The following TSPEAR variants were observed in gnomAD, a reference collection of about 807,000 sequenced individuals.
TSPEAR encodes thrombospondin type laminin G domain and EAR repeats, also known as thrombospondin-type laminin G domain and EAR repeat-containing protein.
In TSPEAR, 69 loss-of-function variants were observed where a neutral mutation model predicts 71.6. The ratio of observed to expected loss-of-function variants is 0.96; its 90% CI spans 0.79 to 1.18. The LOEUF (loss-of-function observed/expected upper bound fraction) is 1.18, where lower values mean the gene tolerates loss of function less well. Ranked by LOEUF, TSPEAR falls within the 50% of genes most tolerant of loss-of-function variation. The pLI, the probability that TSPEAR is intolerant of heterozygous loss-of-function variation, is 0.00. For synonymous variants in TSPEAR, 402 were observed against 387.2 expected, an observed-to-expected ratio of 1.04 and a Z score of -0.45; for missense variants, 971 against 894.9, an observed-to-expected ratio of 1.09 and a Z score of -1.09.
chr21:44,562,451 T>C lies in TSPEAR; in HGVS notation c.303+5334A>G, dbSNP rs372767849. Among the ~76,000 whole-genome samples the C allele has an allele frequency of 1.8e-4, 27 of 152,320 alleles. 1 individual carries two copies. The South Asian group carries it at 5.2e-3, about 29-fold the overall frequency. On this transcript the variant is annotated intron_variant, in intron 2 of 11. Transcript: ENST00000323084. ...AATGCTATTCCCATCAAACTACCAC[T>C]GACATTCTTCACAGAATTAGTAACT...
At position 44,617,677 on chromosome 21, in the gene TSPEAR, ATTCT is replaced by A. The variant is rs782631916; in HGVS notation, c.83-49676_83-49673del. Among the ~76,000 whole-genome samples the A allele has an allele frequency of 5.3e-5, 8 of 152,360 alleles. 1 individual carries two copies. Among genetic ancestry groups the A allele is most frequent in the Admixed American group, 1.3e-4 (2 of 15,306 alleles). On this transcript the variant is annotated intron_variant, in intron 1 of 11. Transcript: ENST00000323084. ...AATCACAATGCTGGGGGCACACGTT[ATTCT>A]TTCTTTGCCAATTTAATAAAGAAAA...
At chr21:44,601,475 C>G (rs446817) in intron 1 of TSPEAR, 138,802 of 1,613,562 alleles carry the variant, frequency 0.086, 11,271 homozygotes, top group African/African-American at 0.41. Flanking sequence ...GGGGCTTCCA[C>G]TTCATGCTGC....
At chr21:44,574,807 G>C (rs782113674) in intron 1 of TSPEAR, 2 of 1,614,098 alleles carry the variant, frequency 1.2e-6, no homozygotes, top group Admixed American at 3.3e-5. Context: ...CCAGCTTGCT[G>C]CACCACCTCC....
In TSPEAR at chr21:44,708,462, G is replaced by A. The variant is rs567369710; in HGVS notation, c.82+2971C>T. On this transcript the variant is annotated intron_variant, in intron 1 of 11. Coordinates refer to ENST00000323084, the MANE Select transcript of TSPEAR (RefSeq NM_144991.3). Reference sequence around the variant, plus strand: ...ACAGAGGTTGAGGGCAGAGCTCCTGGGAGCACCAGTGGAAGTAGGAGGGCT... The same window carrying A: ...ACAGAGGTTGAGGGCAGAGCTCCTGAGAGCACCAGTGGAAGTAGGAGGGCT... Among the ~76,000 whole-genome samples, 3 of 152,140 alleles carry A rather than the reference G, an allele frequency of 2.0e-5. No individual in the cohort carries two copies. In the South Asian group the frequency reaches 6.2e-4, roughly 32 times the overall value.
intron 1 of TSPEAR, among the ~76,000 whole-genome samples, chr21:44,661,488 T>C (rs1452840848): frequency 1.3e-5 from 2 of 152,198 alleles, no homozygotes; most frequent in Admixed American, 1.3e-4. Context: ...GAGGTATCCT[T>C]TGTTACAGTA....
At position 44,504,888 on chromosome 21, in the gene TSPEAR, G is replaced by A. The variant is rs201717370; in HGVS notation, c.1755-7C>T. On this transcript the variant is annotated splice_region_variant and splice_polypyrimidine_tract_variant and intron_variant, in intron 10 of 11. Transcript: ENST00000323084. ...AAACTCCCAGTCCAGAGCACTGCAG[G>A]AACAAGTGGGTGGATATTAGGACAC... 1,830 of 1,606,432 alleles carry A rather than the reference G, an allele frequency of 1.1e-3. 2 individuals are homozygous for A. Among genetic ancestry groups the A allele is most frequent in the Non-Finnish European group, 1.2e-3 (1,361 of 1,173,460 alleles).
intron 1 of TSPEAR, among the ~76,000 whole-genome samples, chr21:44,692,771 T>C (rs545399340): frequency 6.4e-4 from 98 of 152,094 alleles, no homozygotes; most frequent in Non-Finnish European, 1.2e-3. Context: ...GTTGTTAAAA[T>C]GGCAGTACTA....
intron 1 of TSPEAR, among the ~76,000 whole-genome samples, chr21:44,572,050 G>A (rs781798870): frequency 7.2e-5 from 11 of 152,330 alleles, no homozygotes; most frequent in African/African-American, 1.2e-4. Context: ...GCGGCACCGC[G>A]AGGGATGGGC....
chr21:44,697,139 C>T, intron 1 of TSPEAR: 1 of 1,585,698 alleles, frequency 6.3e-7, no homozygotes, highest in Admixed American at 1.7e-5. Context: ...CATCCAGCAC[C>T]CAGACACTCA....
chr21:44,694,651 AC>A (rs782610763), intron 1 of TSPEAR, among the ~76,000 whole-genome samples: 15 of 152,270 alleles, frequency 9.9e-5, no homozygotes, highest in South Asian at 2.1e-4. Flanking sequence ...CACAAAAAAA[AC>A]ATTTTTAAAG....
chr21:44,600,344 A>G (rs1156882655), intron 1 of TSPEAR, among the ~76,000 whole-genome samples: 1 of 152,116 alleles, frequency 6.6e-6, no homozygotes, highest in Non-Finnish European at 1.5e-5. Context: ...TCTGGAGCCA[A>G]AGGTAGGTGA....
At chr21:44,622,973 C>T (rs587643779) in intron 1 of TSPEAR, among the ~76,000 whole-genome samples, 1 of 152,204 alleles carries the variant, frequency 6.6e-6, no homozygotes, top group Admixed American at 6.5e-5. Context: ...TCCCATCCCC[C>T]ACTCTCTTTC....
intron 8 of TSPEAR, among the ~76,000 whole-genome samples, chr21:44,522,440 C>T (rs1477816959): frequency 1.3e-5 from 2 of 152,216 alleles, no homozygotes; most frequent in Non-Finnish European, 2.9e-5. Context: ...CACGGCTCTC[C>T]AGCATCCCCA....
intron 11 of TSPEAR, among the ~76,000 whole-genome samples, chr21:44,501,409 C>G (rs1555911077): frequency 6.6e-6 from 1 of 152,186 alleles, no homozygotes; most frequent in Non-Finnish European, 1.5e-5. Context: ...TCCTGGCTAA[C>G]ACAGTGAAAC....
chr21:44,566,793 G>C (rs1408260616), intron 2 of TSPEAR, among the ~76,000 whole-genome samples: 2 of 151,990 alleles, frequency 1.3e-5, no homozygotes, highest in Non-Finnish European at 2.9e-5. Flanking sequence ...AATGGTGTGG[G>C]GGCAACTGAA....
In TSPEAR at chr21:44,612,109, C is replaced by T. The variant is rs142127705; in HGVS notation, c.83-44104G>A. ...CCAGTCCAGCACCCACCATGGCTGACGCCTGCTGCACCAGGACGTATGTGA... is the reference window on the plus strand; with the variant it reads ...CCAGTCCAGCACCCACCATGGCTGATGCCTGCTGCACCAGGACGTATGTGA... On this transcript the variant is annotated intron_variant, in intron 1 of 11. Transcript: ENST00000323084. This position sits in a 1 kb window ranked among gnomAD's most constrained non-coding sequence, Gnocchi z 4.1. The T allele has an allele frequency of 3.1e-4, 495 of 1,613,260 alleles. 1 individual carries two copies. In the African/African-American group the frequency reaches 5.0e-3, roughly 16 times the overall value.
chr21:44,563,929 C>T (rs587614906), intron 2 of TSPEAR, among the ~76,000 whole-genome samples: 1 of 152,320 alleles, frequency 6.6e-6, no homozygotes, highest in Admixed American at 6.5e-5. Context: ...CTGTAAGGCA[C>T]ATCACAGCCT....
rs367641936 is a variant in TSPEAR, at chr21:44,528,527, C to A, written c.847G>T (p.Ala283Ser). ...CGGCTGGCATCAAACCAGAACTGGG[C>A]GTCTTCCACCTCGGTACACGGTGGC... The part of the protein sequence containing the change: ...PQPPCTEVED[A>S]QFWFDASRKG... The change falls in exon 6 of 12, where the codon GCC (alanine) becomes TCC (serine). Residue 283 changes from alanine to serine, a missense_variant. By Grantham distance (99) the Ala-to-Ser change is moderately conservative. Coordinates refer to ENST00000323084, the MANE Select transcript of TSPEAR (RefSeq NM_144991.3). 2 of 1,614,150 alleles carry A rather than the reference C, an allele frequency of 1.2e-6. No homozygotes were observed. The highest frequency in any genetic ancestry group is 2.2e-5 in the South Asian group (2 of 91,086).
At chr21:44,689,044 C>T (rs1555949336) in intron 1 of TSPEAR, among the ~76,000 whole-genome samples, 1 of 152,100 alleles carries the variant, frequency 6.6e-6, no homozygotes, top group Non-Finnish European at 1.5e-5. Flanking sequence ...GGTGGGGGCT[C>T]CTCCAGCAGA....
Sources: allele counts gnomAD v4.1 joint callset (sites outside exome capture counted in the v4.1 genomes callset), GRCh38; gene constraint gnomAD v4.1.1; non-coding constraint Gnocchi (gnomAD v3.1); transcripts MANE v1.5; gene names NCBI Gene and HGNC (gene_info 2026-07-23, HGNC 2026-07-21).